ZNF436: variants seen among roughly 807,000 people sequenced by gnomAD.
ZNF436 encodes the protein DNA-binding protein.
In ZNF436, 22 loss-of-function variants were observed where a neutral mutation model predicts 41.9. The observed-to-expected ratio is 0.53, with a 90% CI of 0.38 to 0.75. The LOEUF (loss-of-function observed/expected upper bound fraction) is 0.75, where lower values mean the gene tolerates loss of function less well. ZNF436 is among the 30% of genes least tolerant of loss of function. The pLI, the probability that ZNF436 is intolerant of heterozygous loss-of-function variation, is 0.00. For missense variants in ZNF436, 506 were observed against 587.3 expected (o/e 0.86, Z 1.43); for synonymous variants, 217 against 197.8 (o/e 1.10, Z -0.82).
chr1:23,365,416 T>TA (rs1638336730), intron 3 of ZNF436, among the ~76,000 whole-genome samples: 1 of 145,484 alleles, frequency 6.9e-6, no homozygotes, highest in Non-Finnish European at 1.5e-5. Flanking sequence ...AAATAAATAA[T>TA]AAAAAAATAA....
At chr1:23,363,857 T>C (rs1206141639) in intron 3 of ZNF436, among the ~76,000 whole-genome samples, 3 of 152,070 alleles carry the variant, frequency 2.0e-5, no homozygotes, top group African/African-American at 7.2e-5. Flanking sequence ...CTGGGCAATA[T>C]AGGGAGAACC....
rs1205302192 is a variant in ZNF436, at chr1:23,359,650, G to A, written c.*2319C>T. ...CTTGGGAGCAGAAGGCATGCAAAAA[G>A]CATTAGTGAAGGGAGTCTGATGCAT... is the stretch of plus-strand genomic sequence containing the variant. On this transcript the variant is annotated 3_prime_UTR_variant, in exon 4 of 4. Transcript: ENST00000314011. 2 of 152,632 alleles carry A rather than the reference G, an allele frequency of 1.3e-5. No homozygotes were observed. The highest frequency in any genetic ancestry group is 2.9e-5 in the Non-Finnish European group (2 of 68,034). The allele number at this position is 152,632 out of a possible 1,614,324, so 9.5% of individuals were successfully genotyped here. A position where few individuals can be genotyped will look rare whatever the true frequency, so the allele number is the denominator to read the frequency against.
At chr1:23,365,483 G>A (rs1420423917) in intron 3 of ZNF436, among the ~76,000 whole-genome samples, 1 of 151,990 alleles carries the variant, frequency 6.6e-6, no homozygotes, top group Non-Finnish European at 1.5e-5. Flanking sequence ...GGAGGCCGAG[G>A]TGGGCGGATC....
intron 3 of ZNF436, among the ~76,000 whole-genome samples, chr1:23,365,238 A>C (rs1222396837): frequency 6.6e-6 from 1 of 150,996 alleles, no homozygotes; most frequent in Admixed American, 6.6e-5. Flanking sequence ...AAAAAAAAAA[A>C]CGCAAAAACT....
Position 23,367,167 on chromosome 1 carries a change from G to T in ZNF436, c.35C>A (p.Ala12Glu). 1 of 1,605,954 alleles carries T rather than the reference G, an allele frequency of 6.2e-7. No individual in the cohort carries two copies. ...AATLLMAGSQAPVTFEDMAMY... is the reference protein window; with the variant it reads ...AATLLMAGSQEPVTFEDMAMY... ...GGCCATATCTTCAAACGTCACAGGT[G>T]CCTGAAATCACACGATACTTCCCTA... Residue 12 changes from alanine to glutamate, a missense_variant and splice_region_variant, in exon 3 of 4, where the codon GCA (alanine) becomes GAA (glutamate). Physicochemically the swap from Ala to Glu is moderately radical, Grantham distance 107. Around this residue, in one of 2 missense-constraint regions of ZNF436, gnomAD observed 228 missense variants for 215.1 expected, o/e 1.06. Transcript: ENST00000314011.
chr1:23,369,360 A>T lies in ZNF436; in HGVS notation c.-61+6T>A, dbSNP rs1239825258. ...GAAAACCCGAGTGGGGGACGAACAG[A>T]CTTACCTCCTGTCCCGCAAAAGATC... On this transcript the variant is annotated splice_donor_region_variant and intron_variant, in intron 1 of 3. Transcript: ENST00000314011. The T allele has an allele frequency of 3.7e-6, 2 of 534,258 alleles. No individual in the cohort carries two copies. Among genetic ancestry groups the T allele is most frequent in the Admixed American group, 3.9e-5 (2 of 51,588 alleles). 33.1% of individuals were successfully genotyped at this position (534,258 alleles called of 1,614,324 possible).
In ZNF436 at chr1:23,362,972, T is replaced by C. The variant is rs767385036; in HGVS notation, c.410A>G (p.Tyr137Cys). The change falls in exon 4 of 4, where the codon TAT (tyrosine) becomes TGT (cysteine). Residue 137 changes from tyrosine (Y) to cysteine (C), a missense_variant. Physicochemically the swap from Tyr to Cys is radical, Grantham distance 194 (BLOSUM62 -2). Coordinates refer to ENST00000314011, the MANE Select transcript of ZNF436 (RefSeq NM_001077195.2). ...VHKEVHTGIR[Y>C]HICSHCGKAF... is the part of the protein sequence containing the mutation. ...CTTTCCACAATGAGAACATATATGA[T>C]AGCGGATGCCTGTGTGGACTTCTTT... is the stretch of plus-strand genomic sequence containing the variant. 1.2e-6 allele frequency: 2 copies of C among 1,614,142 alleles called. No individual in the cohort carries two copies. The highest frequency in any genetic ancestry group is 1.1e-5 in the South Asian group (1 of 91,088).
intron 3 of ZNF436, among the ~76,000 whole-genome samples, chr1:23,365,002 A>C (rs1189439239): frequency 6.6e-6 from 1 of 152,140 alleles, no homozygotes; most frequent in African/African-American, 2.4e-5. Context: ...CAGGCCTCTA[A>C]TCCCAGCACT....
At position 23,367,186 on chromosome 1, in the gene ZNF436, TTCCC is replaced by T. The variant is rs1275376530; in HGVS notation, c.34-22_34-19del. On this transcript the variant is annotated intron_variant, in intron 2 of 3. Coordinates refer to ENST00000314011, the MANE Select transcript of ZNF436 (RefSeq NM_001077195.2). ...ACAGGTGCCTGAAATCACACGATAC[TTCCC>T]TACTATTCTGTATTTAGGACTTCTT... 1.3e-6 allele frequency: 2 copies of T among 1,589,856 alleles called. No individual in the cohort carries two copies. Among genetic ancestry groups the T allele is most frequent in the Admixed American group, 3.7e-5 (2 of 53,616 alleles).
chr1:23,368,415 T>C (rs1190986112), intron 1 of ZNF436: 2 of 193,758 alleles, frequency 1.0e-5, no homozygotes, highest in South Asian at 7.9e-5. Flanking sequence ...GCGAGCGAAG[T>C]TCGTGAACCA....
Position 23,367,965 on chromosome 1 carries a change from C to T in ZNF436, c.33+8G>A. On this transcript the variant is annotated splice_region_variant and intron_variant, in intron 2 of 3. Coordinates refer to ENST00000314011, the MANE Select transcript of ZNF436 (RefSeq NM_001077195.2). Reference sequence around the variant, plus strand: ...GAGACAAGGTCTGAGAAGCCACCTCCGGCTTACCTGGGACCCAGCCATGAG... The same window carrying T: ...GAGACAAGGTCTGAGAAGCCACCTCTGGCTTACCTGGGACCCAGCCATGAG... The T allele has an allele frequency of 6.2e-7, 1 of 1,614,038 alleles. No homozygotes were observed. Among genetic ancestry groups the T allele is most frequent in the Non-Finnish European group, 8.5e-7 (1 of 1,180,006 alleles).
At position 23,368,052 on chromosome 1, in the gene ZNF436, G is replaced by C. The variant is rs1020606723; in HGVS notation, c.-47C>G. 1 of 1,611,168 alleles carries C rather than the reference G, an allele frequency of 6.2e-7. No homozygotes were observed. The highest frequency in any genetic ancestry group is 1.3e-5 in the African/African-American group (1 of 74,990). ...CCAGGGAGAGAGAGCAGGAAAAGCAGCTAGCAGACAGCGCTGAAGGAGGCG... is the reference window on the plus strand; with the variant it reads ...CCAGGGAGAGAGAGCAGGAAAAGCACCTAGCAGACAGCGCTGAAGGAGGCG... On this transcript the variant is annotated 5_prime_UTR_variant, in exon 2 of 4. Coordinates refer to ENST00000314011, the MANE Select transcript of ZNF436 (RefSeq NM_001077195.2).
rs1439367323 is a variant in ZNF436 at position 23,363,204 on chromosome 1, C to T, written c.178G>A (p.Glu60Lys). The T allele has an allele frequency of 3.7e-6, 6 of 1,610,910 alleles. No homozygotes were observed. The highest frequency in any genetic ancestry group is 5.1e-6 in the Non-Finnish European group (6 of 1,178,844). The change falls in exon 4 of 4, where the codon GAG (glutamate) becomes AAG (lysine). Residue 60 changes from glutamate (E) to lysine (K), a missense_variant. Physicochemically the swap from Glu to Lys is moderately conservative, Grantham distance 56 (BLOSUM62 1). Around this residue, in one of 2 missense-constraint regions of ZNF436, gnomAD observed 228 missense variants for 215.1 expected, o/e 1.06. Transcript: ENST00000314011. ...VVSLDFEIRS[E>K]NEVNPKQEIS... ...TCTTGCTTGGGATTTACCTCGTTCT[C>T]ACTCCTGATCTCAAAATCTGTAATA... is the stretch of plus-strand genomic sequence containing the variant.
rs1256074674 is a variant in ZNF436, at chr1:23,362,214, A to G, written c.1168T>C (p.Tyr390His). ...HQKIHTGEKP[Y>H]ECNECWRSFG... ...CTTCGCCAACACTCATTACACTCAT[A>G]AGGCTTCTCTCCAGTGTGAATTTTC... Residue 390 changes from tyrosine to histidine, a missense_variant, in exon 4 of 4, where the codon TAT (tyrosine) becomes CAT (histidine). This residue lies in a region of ZNF436 where 278 missense variants were observed against 372.1 expected (regional missense o/e 0.75). Transcript: ENST00000314011. The G allele has an allele frequency of 3.7e-6, 6 of 1,613,840 alleles. No homozygotes were observed. In the South Asian group the frequency reaches 6.6e-5, roughly 18 times the overall value.
At chr1:23,364,724 A>G (rs999814825) in intron 3 of ZNF436, among the ~76,000 whole-genome samples, 2 of 152,248 alleles carry the variant, frequency 1.3e-5, no homozygotes, top group African/African-American at 4.8e-5. Context: ...AGTATATTTC[A>G]CATGCAGTCT....
chr1:23,366,061 T>C (rs192148305), intron 3 of ZNF436, among the ~76,000 whole-genome samples: 1 of 152,220 alleles, frequency 6.6e-6, no homozygotes, highest in Non-Finnish European at 1.5e-5. Flanking sequence ...TAAATTCACA[T>C]TTTTTAAAGA....
At chr1:23,365,408 A>T (rs79490829) in intron 3 of ZNF436, among the ~76,000 whole-genome samples, 12,157 of 149,552 alleles carry the variant, frequency 0.081, 654 homozygotes, top group South Asian at 0.25. Context: ...AAAAAAATAA[A>T]TAAATAATAA....
chr1:23,367,247 A>T, intron 2 of ZNF436, 79 bp from the exon 3 acceptor site: 1 of 1,455,636 alleles, frequency 6.9e-7, no homozygotes, highest in East Asian at 2.4e-5. Context: ...AATATTCAGG[A>T]GGAAAAATAT....
intron 1 of ZNF436, among the ~76,000 whole-genome samples, chr1:23,368,662 A>G (rs1445701085): frequency 6.6e-6 from 1 of 152,252 alleles, no homozygotes. Flanking sequence ...CTGCAGCACG[A>G]TTAAGCTAGA....
Sources: gnomAD v4.1 joint callset for allele counts (sites outside exome capture counted in the v4.1 genomes callset) on GRCh38, gnomAD v4.1.1 for gene constraint, gnomAD v4.1.1 regional missense constraint, MANE v1.5 for transcripts, NCBI Gene and HGNC (gene_info 2026-07-23, HGNC 2026-07-21) for gene names.